CYP3A5: variants seen among roughly 807,000 people sequenced by gnomAD.
The protein encoded by CYP3A5 is cytochrome P450 3A5.
Under a neutral mutation model 55.9 loss-of-function variants are expected in CYP3A5, and 51 were observed. The observed-to-expected ratio is 0.91, with a 90% CI of 0.73 to 1.15. CYP3A5 has a LOEUF of 1.15. CYP3A5 is among the 50% of genes most tolerant of loss of function. CYP3A5 has a pLI of 0.00. For synonymous variants in CYP3A5, 196 were observed against 213.9 expected, an observed-to-expected ratio of 0.92 and a Z score of 0.73; for missense variants, 533 against 596.6, an observed-to-expected ratio of 0.89 and a Z score of 1.11.
chr7:99,672,881 A>T (rs1811811363), intron 3 of CYP3A5: 1 of 1,389,496 alleles, frequency 7.2e-7, no homozygotes, highest in Admixed American at 3.0e-5. Flanking sequence ...GCTTCATATG[A>T]TGAAGGGTAA....
chr7:99,649,343 G>C (rs41303961), intron 12 of CYP3A5, among the ~76,000 whole-genome samples: 2 of 152,118 alleles, frequency 1.3e-5, no homozygotes, highest in African/African-American at 2.4e-5. Context: ...TAAATACACC[G>C]GTCCTGGAAA....
intron 8 of CYP3A5, 138 bp downstream of exon 8, chr7:99,663,830 T>C (rs1810687399): frequency 7.3e-7 from 1 of 1,364,714 alleles, no homozygotes; most frequent in Non-Finnish European, 9.4e-7. Flanking sequence ...TCTTTATTTC[T>C]ACCAAATGGC....
intron 11 of CYP3A5, 68 bp downstream of exon 11, chr7:99,652,485 T>G (rs185355715): frequency 5.0e-5 from 50 of 999,556 alleles, no homozygotes; most frequent in Non-Finnish European, 6.8e-5. Context: ...TCATGTAGAT[T>G]AAGAGAGGCA....
chr7:99,672,012 T>C (rs1443092445), intron 4 of CYP3A5: 4 of 582,230 alleles, frequency 6.9e-6, no homozygotes, highest in South Asian at 2.2e-5. Flanking sequence ...AGTATTAGGT[T>C]GGTGCAAAAG....
intron 7 of CYP3A5, 21 bp downstream of exon 7, chr7:99,665,141 GAGAA>G (rs1305703694): frequency 6.5e-7 from 1 of 1,547,530 alleles, no homozygotes; most frequent in African/African-American, 1.4e-5. Context: ...TTTAAAAAGA[GAGAA>G]AGAAATAATA....
chr7:99,676,603 TG>T (rs1258337927), intron 1 of CYP3A5: 1 of 1,318,240 alleles, frequency 7.6e-7, no homozygotes, highest in Non-Finnish European at 1.0e-6. Flanking sequence ...AGATTTTTTT[TG>T]TCTTTTGCAC....
intron 12 of CYP3A5, 48 bp downstream of exon 12, chr7:99,650,025 C>A: frequency 6.2e-7 from 1 of 1,600,850 alleles, no homozygotes; most frequent in Non-Finnish European, 8.5e-7. Context: ...AAATATATAC[C>A]CTTCAGTTAA....
Position 99,672,864 on chromosome 7 carries a change from A to G in CYP3A5, c.219-185T>C, listed in dbSNP as rs185148048. 1.4e-5 allele frequency: 19 copies of G among 1,405,864 alleles called. No homozygotes were observed. The African/African-American group carries it at 2.6e-4, about 19-fold the overall frequency. 87.1% of individuals were successfully genotyped at this position (1,405,864 alleles called of 1,614,324 possible). A position where few individuals can be genotyped will look rare whatever the true frequency, so the allele number is the denominator to read the frequency against. On this transcript the variant is annotated intron_variant, in intron 3 of 12. Coordinates refer to ENST00000222982, the MANE Select transcript of CYP3A5 (RefSeq NM_000777.5). ...ACAGCAAGAGTCTCACACAGGAGCC[A>G]CCCAAGGCTTCATATGATGAAGGGT...
rs376985317 is a variant in CYP3A5 at position 99,650,123 on chromosome 7, G to A, written c.1363C>T (p.Leu455=). 85 of 1,614,142 alleles carry A rather than the reference G, an allele frequency of 5.3e-5. No individual in the cohort carries two copies. The African/African-American group carries it at 9.7e-4, about 18-fold the overall frequency. Residue 455 remains leucine (L), a synonymous_variant, in exon 12 of 13, where the codon CTA becomes TTA. Transcript: ENST00000222982. ...RFALMNMKLA[L]IRVLQNFSFK... ...GAGAAGTTCTGAAGGACTCTGATTA[G>A]AGCAAGTTTCATGTTCATGAGAGCA...
chr7:99,670,793 T>A (rs1439938301), intron 4 of CYP3A5: 1 of 152,196 alleles, frequency 6.6e-6, no homozygotes, highest in African/African-American at 2.4e-5. Context: ...AACCAAAATA[T>A]CTGATGAGCA....
intron 1 of CYP3A5, among the ~76,000 whole-genome samples, chr7:99,677,961 C>T (rs1004547180): frequency 2.6e-5 from 4 of 152,180 alleles, no homozygotes; most frequent in African/African-American, 7.2e-5. Flanking sequence ...CTGTGCTGGG[C>T]GAACTCTTTA....
chr7:99,671,902 G>A (rs1211508984), intron 4 of CYP3A5: 1 of 701,170 alleles, frequency 1.4e-6, no homozygotes, highest in Non-Finnish European at 2.6e-6. Flanking sequence ...AAATTGCTTA[G>A]AACTACCCAC....
chr7:99,679,844 C>G lies in CYP3A5; in HGVS notation c.53G>C (p.Ser18Thr). Residue 18 changes from serine to threonine, a missense_variant, in exon 1 of 13, where the codon AGC becomes ACC. Physicochemically the swap from Ser to Thr is moderately conservative, Grantham distance 58. Transcript: ENST00000222982. Reference protein sequence around the residue: ...AVETWLLLAVSLVLLYLYGTR... With the variant: ...AVETWLLLAVTLVLLYLYGTR... The stretch of plus-strand genomic sequence containing the variant: ...TACTCACAGATAGAGGAGCACCAGG[C>G]TGACAGCCAGGAGAAGCCAGGTTTC... The G allele has an allele frequency of 6.2e-7, 1 of 1,614,158 alleles. No individual in the cohort carries two copies. Among genetic ancestry groups the G allele is most frequent in the African/African-American group, 1.3e-5 (1 of 75,042 alleles).
At position 99,672,690 on chromosome 7, in the gene CYP3A5, A is replaced by T. The variant is rs769891758; in HGVS notation, c.219-11T>A. 4.3e-6 allele frequency: 7 copies of T among 1,613,542 alleles called. No homozygotes were observed. Among genetic ancestry groups the T allele is most frequent in the Non-Finnish European group, 1.7e-6 (2 of 1,179,878 alleles). ...TGACCTTCATACGTTCTGTGTGGGG[A>T]CAACGGAGCTGATTAAACTTCACTA... is the stretch of plus-strand genomic sequence containing the variant. On this transcript the variant is annotated splice_polypyrimidine_tract_variant and intron_variant, in intron 3 of 12. Transcript: ENST00000222982.
At chr7:99,648,805 T>C (rs1188261576) in intron 12 of CYP3A5, among the ~76,000 whole-genome samples, 1 of 152,178 alleles carries the variant, frequency 6.6e-6, no homozygotes, top group East Asian at 1.9e-4. Context: ...AAGGTAATCC[T>C]GAGTAGCTGT....
At chr7:99,676,059 A>G in intron 2 of CYP3A5, 56 bp downstream of exon 2, 1 of 1,484,912 alleles carries the variant, frequency 6.7e-7, no homozygotes, top group Non-Finnish European at 9.4e-7. Flanking sequence ...TTACTGATGG[A>G]ACTAAGCTGA....
At chr7:99,671,715 G>A in intron 4 of CYP3A5, 2 of 655,690 alleles carry the variant, frequency 3.1e-6, no homozygotes, top group Non-Finnish European at 5.5e-6. Context: ...TCCATAAAAG[G>A]AAATATTAAT....
Position 99,665,283 on chromosome 7 carries a change from T to G in CYP3A5, c.553A>C (p.Thr185Pro). 11 of 1,614,144 alleles carry G rather than the reference T, an allele frequency of 6.8e-6. No homozygotes were observed. The highest frequency in any genetic ancestry group is 9.3e-6 in the Non-Finnish European group (11 of 1,180,000). Residue 185 changes from threonine (T) to proline (P), a missense_variant, in exon 7 of 13, where the codon ACT (threonine) becomes CCT (proline). Thr to Pro is a conservative substitution (Grantham distance 38). Transcript: ENST00000222982. The part of the protein sequence containing the change: ...IFGAYSMDVI[T>P]GTSFGVNIDS... ...ATGTTCACTCCAAATGATGTGCCAG[T>G]AATCACATCCATGCTGTAGGCCCCA...
Position 99,672,914 on chromosome 7 carries a change from T to C in CYP3A5, c.219-235A>G, listed in dbSNP as rs1811815021. 60 of 1,338,058 alleles carry C rather than the reference T, an allele frequency of 4.5e-5. No homozygotes were observed. The highest frequency in any genetic ancestry group is 9.9e-5 in the Admixed American group (3 of 30,168). 82.9% of individuals were successfully genotyped at this position (1,338,058 alleles called of 1,614,324 possible). A position where few individuals can be genotyped will look rare whatever the true frequency, so the allele number is the denominator to read the frequency against. On this transcript the variant is annotated intron_variant, in intron 3 of 12. Coordinates refer to ENST00000222982, the MANE Select transcript of CYP3A5 (RefSeq NM_000777.5). ...TAATGTGGTCCAAACAGGGAAGAGATATTGAAAGACAAAAGAGCTCTTTAA... is the reference window on the plus strand; with the variant it reads ...TAATGTGGTCCAAACAGGGAAGAGACATTGAAAGACAAAAGAGCTCTTTAA...
Sources: allele counts gnomAD v4.1 joint callset (sites outside exome capture counted in the v4.1 genomes callset), GRCh38; gene constraint gnomAD v4.1.1; transcripts MANE v1.5; gene names NCBI Gene and HGNC (gene_info 2026-07-23, HGNC 2026-07-21).